Variants in SPTBN4 observed in about 807,000 individuals in gnomAD.
The protein encoded by SPTBN4 is spectrin beta chain, non-erythrocytic 4.
In SPTBN4, 96 loss-of-function variants were observed where a neutral mutation model predicts 277.8. That is an observed-to-expected ratio of 0.35 (90% CI 0.29 to 0.41). The LOEUF is 0.41. SPTBN4 is among the 10% of genes least tolerant of loss of function. The pLI is 1.00. For synonymous variants in SPTBN4, 1,481 were observed against 1,580.3 expected, an observed-to-expected ratio of 0.94 and a Z score of 1.49; for missense variants, 3,006 against 3,595.7, an observed-to-expected ratio of 0.84 and a Z score of 4.19.
At chr19:40,556,368 A>G in intron 25 of SPTBN4, 80 bp downstream of exon 25, 1 of 1,338,752 alleles carries the variant, frequency 7.5e-7, no homozygotes, top group Non-Finnish European at 1.0e-6. Context: ...CTGTAGTATG[A>G]GGATAATAAC....
intron 22 of SPTBN4, among the ~76,000 whole-genome samples, chr19:40,553,503 C>T (rs1177559785): frequency 6.6e-6 from 1 of 152,140 alleles, no homozygotes; most frequent in African/African-American, 2.4e-5. Flanking sequence ...CTGTTATTAT[C>T]TTTATCAGTT....
chr19:40,533,161 C>G (rs1031595734), intron 19 of SPTBN4, among the ~76,000 whole-genome samples: 2 of 152,112 alleles, frequency 1.3e-5, no homozygotes, highest in African/African-American at 4.8e-5. Context: ...ATTCTTAGAG[C>G]CCTGGGTTCT....
chr19:40,557,001 C>A, intron 25 of SPTBN4, 22 bp from the exon 26 acceptor site: 4 of 1,525,472 alleles, frequency 2.6e-6, no homozygotes, highest in South Asian at 1.3e-5. Flanking sequence ...GCTGTACCCC[C>A]CCCCCCACTT....
rs1224814460 is a variant in SPTBN4 at position 40,483,178 on chromosome 19, G to A, written c.170-4519G>A. Among the ~76,000 whole-genome samples the A allele has an allele frequency of 4.6e-5, 7 of 152,032 alleles. No individual in the cohort carries two copies. The South Asian group carries it at 1.2e-3, about 27-fold the overall frequency. On this transcript the variant is annotated intron_variant, in intron 2 of 35. Coordinates refer to ENST00000598249, the MANE Select transcript of SPTBN4 (RefSeq NM_020971.3). ...GGGAGATGACCTCGAGAAGTCACCT[G>A]GCCAGTTATTAGTACAGACAGGGCA...
At chr19:40,561,701 A>G (rs940358408) in intron 27 of SPTBN4, among the ~76,000 whole-genome samples, 11 of 152,042 alleles carry the variant, frequency 7.2e-5, no homozygotes, top group African/African-American at 2.2e-4. Flanking sequence ...GGACACCTGT[A>G]ATCCCAGCTA....
intron 2 of SPTBN4, among the ~76,000 whole-genome samples, chr19:40,479,925 GA>G (rs1281485605): frequency 2.7e-5 from 4 of 150,068 alleles, no homozygotes; most frequent in African/African-American, 9.8e-5. Flanking sequence ...AACATAGAGA[GA>G]CCCCGTCTCT....
At position 40,515,870 on chromosome 19, in the gene SPTBN4, G is replaced by GCACACACACA. The variant is rs201088052; in HGVS notation, c.2903+423_2903+424insACACACACAC. On this transcript the variant is annotated intron_variant, in intron 15 of 35. Transcript: ENST00000598249. This position sits in a 1 kb window ranked among gnomAD's most constrained non-coding sequence, Gnocchi z 4.1. The stretch of plus-strand genomic sequence containing the variant: ...AAACCCCGTCTCTCTCTCTACGTGC[G>GCACACACACA]CGCACACACACACACACACACACAC... Among the ~76,000 whole-genome samples the GCACACACACA allele has an allele frequency of 8.1e-6, 1 of 124,042 alleles. No homozygotes were observed. 81.4% of individuals were successfully genotyped at this position (124,042 alleles called of 152,430 possible). A position where few individuals can be genotyped will look rare whatever the true frequency, so the allele number is the denominator to read the frequency against.
chr19:40,541,013 G>GT (rs1450848031), intron 20 of SPTBN4, among the ~76,000 whole-genome samples: 4 of 152,012 alleles, frequency 2.6e-5, no homozygotes, highest in African/African-American at 9.7e-5. Context: ...CCAACACTTG[G>GT]TTTTGTCAGA....
At chr19:40,523,675 G>A (rs779591680) in intron 17 of SPTBN4, 36 bp downstream of exon 17, 2 of 1,564,304 alleles carry the variant, frequency 1.3e-6, no homozygotes, top group Non-Finnish European at 1.7e-6. Context: ...CAGGGAGGGG[G>A]CAGAAGATGG....
At chr19:40,505,382 CAAAAAAAAA>C (rs1209780246) in intron 12 of SPTBN4, among the ~76,000 whole-genome samples, 5 of 55,864 alleles carry the variant, frequency 9.0e-5, no homozygotes, top group African/African-American at 3.6e-4. Context: ...GACCCTGTCT[CAAAAAAAAA>C]AAAAAAAAAA....
intron 30 of SPTBN4, 53 bp from the exon 31 acceptor site, chr19:40,567,610 T>C: frequency 2.3e-6 from 3 of 1,277,716 alleles, no homozygotes; most frequent in South Asian, 1.6e-5. Context: ...ACCTCCCCCT[T>C]ACCCCGCCCC....
In SPTBN4 at chr19:40,554,368, G is replaced by C. The variant is rs911502017; in HGVS notation, c.4896G>C (p.Glu1632Asp). ...AGCAGTACTACTTCGACGTGGCTGA[G>C]GTGGAGGCGTGGCTGGGCGAGCAGG... Reference protein sequence around the residue: ...QVEQYYFDVAEVEAWLGEQEL... With the variant: ...QVEQYYFDVADVEAWLGEQEL... Residue 1632 changes from glutamate to aspartate, a missense_variant, in exon 23 of 36, where the codon GAG becomes GAC. Transcript: ENST00000598249. The surrounding 1 kb of genome is among the most constrained non-coding windows in gnomAD (Gnocchi z 5.7). 5 of 1,587,574 alleles carry C rather than the reference G, an allele frequency of 3.1e-6. No individual in the cohort carries two copies. Among genetic ancestry groups the C allele is most frequent in the Middle Eastern group, 1.7e-4 (1 of 5,988 alleles).
At chr19:40,512,480 G>A (rs958286381) in intron 13 of SPTBN4, 126 bp from the exon 14 acceptor site, 1 of 1,249,130 alleles carries the variant, frequency 8.0e-7, no homozygotes, top group Middle Eastern at 2.8e-4. Flanking sequence ...CTGCCTGGAG[G>A]AGGAGCCACG....
intron 20 of SPTBN4, among the ~76,000 whole-genome samples, chr19:40,546,094 G>A (rs1255779427): frequency 1.3e-5 from 2 of 148,238 alleles, no homozygotes; most frequent in Non-Finnish European, 3.0e-5. Context: ...GCGTGGTGAT[G>A]TGTGCCTGTG....
chr19:40,519,385 T>C lies in SPTBN4; in HGVS notation c.2904-16T>C. The stretch of plus-strand genomic sequence containing the variant: ...AGTCCCTGTCCTCCTCAAGTCACTC[T>C]CTTTCCCCTGGGCAGGTGGAACCGC... On this transcript the variant is annotated splice_polypyrimidine_tract_variant and intron_variant, in intron 15 of 35. Coordinates refer to ENST00000598249, the MANE Select transcript of SPTBN4 (RefSeq NM_020971.3). The surrounding 1 kb of genome is among the most constrained non-coding windows in gnomAD (Gnocchi z 5.7). The C allele has an allele frequency of 6.5e-7, 1 of 1,532,446 alleles. No homozygotes were observed. Among genetic ancestry groups the C allele is most frequent in the Admixed American group, 2.0e-5 (1 of 49,674 alleles). The allele number at this position is 1,532,446 out of a possible 1,614,324, so 94.9% of individuals were successfully genotyped here.
chr19:40,489,666 G>A (rs2145827516), intron 3 of SPTBN4, among the ~76,000 whole-genome samples: 1 of 152,320 alleles, frequency 6.6e-6, no homozygotes, highest in South Asian at 2.1e-4. Context: ...GGGATTACAG[G>A]ATTGAGCCAC....
chr19:40,503,889 C>G lies in SPTBN4; in HGVS notation c.1422C>G (p.Ile474Met), dbSNP rs759071260. ...CAGCCATGAAGAAACACGAAGCGAT[C>G]GAGGCAGACATTGCGGCCTACGAGG... ...VEAAMKKHEA[I>M]EADIAAYEER... The change falls in exon 12 of 36, where the codon ATC (isoleucine) becomes ATG (methionine). Residue 474 changes from isoleucine to methionine, a missense_variant. Physicochemically the swap from Ile to Met is conservative, Grantham distance 10. This residue lies in a region of SPTBN4 where 1,759 missense variants were observed against 2,061.5 expected (regional missense o/e 0.85). Coordinates refer to ENST00000598249, the MANE Select transcript of SPTBN4 (RefSeq NM_020971.3). The G allele has an allele frequency of 1.2e-6, 2 of 1,610,510 alleles. No homozygotes were observed. Among genetic ancestry groups the G allele is most frequent in the Admixed American group, 3.3e-5 (2 of 59,926 alleles).
In SPTBN4 at chr19:40,566,350, C is replaced by T. The variant is rs1159008170; in HGVS notation, c.6327C>T (p.Arg2109=). 3 of 1,557,370 alleles carry T rather than the reference C, an allele frequency of 1.9e-6. No homozygotes were observed. The highest frequency in any genetic ancestry group is 1.2e-5 in the South Asian group (1 of 84,308). ...AWEERFSSLR[R]LTTIEKIKAE... is the part of the protein sequence containing the mutation. Reference sequence around the variant, plus strand: ...AAGAGAGGTTCAGCTCTCTGCGGCGCCTGACCACGGTCAGCTCCCCAGATA... The same window carrying T: ...AAGAGAGGTTCAGCTCTCTGCGGCGTCTGACCACGGTCAGCTCCCCAGATA... Residue 2109 remains arginine (R), a synonymous_variant, in exon 30 of 36, where the codon CGC becomes CGT. Transcript: ENST00000598249.
intron 1 of SPTBN4, among the ~76,000 whole-genome samples, chr19:40,469,356 C>A (rs2079859536): frequency 1.3e-5 from 2 of 152,066 alleles, no homozygotes; most frequent in South Asian, 4.1e-4. Flanking sequence ...CCTTCGCCTC[C>A]CGGTTTCAAG....
Sources: allele counts gnomAD v4.1 joint callset (sites outside exome capture counted in the v4.1 genomes callset), GRCh38; gene constraint gnomAD v4.1.1; regional missense constraint gnomAD v4.1.1; non-coding constraint Gnocchi (gnomAD v3.1); transcripts MANE v1.5; gene names NCBI Gene and HGNC (gene_info 2026-07-23, HGNC 2026-07-21).